Variants in RALGPS2 observed in about 807,000 individuals in gnomAD.
RALGPS2 encodes the protein ras-specific guanine nucleotide-releasing factor RalGPS2.
In RALGPS2, 43 loss-of-function variants were observed where a neutral mutation model predicts 86.8. That is an observed-to-expected ratio of 0.50 (90% CI 0.39 to 0.64). The LOEUF is 0.64. RALGPS2 is among the 30% of genes least tolerant of loss of function. The pLI is 0.00. For missense variants in RALGPS2, 536 were observed against 694.6 expected (o/e 0.77, Z 2.57); for synonymous variants, 243 against 231.3 (o/e 1.05, Z -0.46).
chr1:178,906,520 A>C (rs1335266241), intron 18 of RALGPS2, among the ~76,000 whole-genome samples: 2 of 152,220 alleles, frequency 1.3e-5, no homozygotes, highest in African/African-American at 4.8e-5. Flanking sequence ...TAAGGAGACA[A>C]AATTATTTCT....
chr1:178,790,200 C>T (rs113607651), intron 4 of RALGPS2, among the ~76,000 whole-genome samples: 2,686 of 152,218 alleles, frequency 0.018, 89 homozygotes, highest in Admixed American at 0.072. Flanking sequence ...GATCCTTCTG[C>T]CTTGGCCTGC....
rs1279519916 is a variant in RALGPS2 at position 178,725,281 on chromosome 1, C to CGGA, written c.-220_-219insAGG. On this transcript the variant is annotated 5_prime_UTR_variant, in exon 1 of 20. Transcript: ENST00000367635. Reference sequence around the variant, plus strand: ...CGAGCGGCAGCGGCGGCGGCGGCGGCGGCTGCTGCGGGCGCTGAATGAGAG... The same window carrying CGGA: ...CGAGCGGCAGCGGCGGCGGCGGCGGCGGAGGCTGCTGCGGGCGCTGAATGAGAG... 5.7e-6 allele frequency: 1 copy of CGGA among 175,838 alleles called. No individual in the cohort carries two copies. Among genetic ancestry groups the CGGA allele is most frequent in the African/African-American group, 2.4e-5 (1 of 41,484 alleles). 10.9% of individuals were successfully genotyped at this position (175,838 alleles called of 1,614,324 possible).
intron 4 of RALGPS2, among the ~76,000 whole-genome samples, chr1:178,786,705 G>A (rs770470989): frequency 6.6e-6 from 1 of 151,740 alleles, no homozygotes; most frequent in Non-Finnish European, 1.5e-5. Flanking sequence ...CCAAAACAAA[G>A]TCATTGATAA....
In RALGPS2 at chr1:178,776,691, AT is replaced by A; in HGVS notation, c.-71del. 3 of 1,102,996 alleles carry A rather than the reference AT, an allele frequency of 2.7e-6. No homozygotes were observed. The highest frequency in any genetic ancestry group is 3.9e-6 in the Non-Finnish European group (3 of 768,348). The allele number at this position is 1,102,996 out of a possible 1,614,324, so 68.3% of individuals were successfully genotyped here. ...TTTTTTTTTTTTACAGGAATAATGTATTTGTGGCCTTGGACATGAGGCAGTC... is the reference window on the plus strand; with the variant it reads ...TTTTTTTTTTTTACAGGAATAATGTATTGTGGCCTTGGACATGAGGCAGTC... On this transcript the variant is annotated 5_prime_UTR_variant, in exon 2 of 20. It removes the in-frame stop codon of an upstream open reading frame in the 5' UTR. Transcript: ENST00000367635.
At chr1:178,850,236 A>C (rs999477843) in intron 8 of RALGPS2, 1 of 152,622 alleles carries the variant, frequency 6.6e-6, no homozygotes, top group South Asian at 2.1e-4. Context: ...TTTGAATTGC[A>C]GATTGGTTGG....
At chr1:178,817,838 A>G (rs1655310348) in intron 6 of RALGPS2, among the ~76,000 whole-genome samples, 1 of 152,194 alleles carries the variant, frequency 6.6e-6, no homozygotes, top group Non-Finnish European at 1.5e-5. Context: ...TTTCTAATAG[A>G]CAGCCAATGT....
intron 1 of RALGPS2, among the ~76,000 whole-genome samples, chr1:178,736,481 G>A (rs1232713354): frequency 6.6e-6 from 1 of 151,920 alleles, no homozygotes; most frequent in South Asian, 2.1e-4. Flanking sequence ...CATTTTAAAC[G>A]TTTTCAATGA....
chr1:178,787,504 A>C (rs1461172174), intron 4 of RALGPS2, among the ~76,000 whole-genome samples: 1 of 152,196 alleles, frequency 6.6e-6, no homozygotes, highest in African/African-American at 2.4e-5. Flanking sequence ...CAACATATAC[A>C]ACAATTGCAG....
intron 1 of RALGPS2, among the ~76,000 whole-genome samples, chr1:178,748,229 ATG>A: frequency 6.6e-6 from 1 of 151,534 alleles, no homozygotes; most frequent in Non-Finnish European, 1.5e-5. Flanking sequence ...CTGAGGCAAG[ATG>A]ATCCCTTGAA....
chr1:178,751,450 T>A (rs1343134728), intron 1 of RALGPS2, among the ~76,000 whole-genome samples: 1 of 152,190 alleles, frequency 6.6e-6, no homozygotes, highest in East Asian at 1.9e-4. Context: ...GGAAGTTTTC[T>A]TGGAAAGCTT....
intron 5 of RALGPS2, among the ~76,000 whole-genome samples, chr1:178,810,070 G>C (rs1459243015): frequency 6.6e-6 from 1 of 150,510 alleles, no homozygotes; most frequent in Non-Finnish European, 1.5e-5. Flanking sequence ...AACATACTAA[G>C]ACCTTGTCTT....
intron 8 of RALGPS2, chr1:178,869,238 A>G (rs1218422677): frequency 6.6e-6 from 1 of 152,098 alleles, no homozygotes; most frequent in Non-Finnish European, 1.5e-5. Flanking sequence ...TAGAGAGAAG[A>G]AACGAAAGTC....
rs115833627 is a variant in RALGPS2, at chr1:178,874,533, T to G, written c.608-2965T>G. Among the ~76,000 whole-genome samples, 497 of 152,296 alleles carry G rather than the reference T, an allele frequency of 3.3e-3. 5 individuals are homozygous for G. The highest frequency in any genetic ancestry group is 0.011 in the African/African-American group (445 of 41,560). On this transcript the variant is annotated intron_variant, in intron 8 of 19. Transcript: ENST00000367635. Reference sequence around the variant, plus strand: ...AGTACCCCGCTCAAATCCCACTTCTTCCTTGAAGCTTTCTCTGATCCCATC... The same window carrying G: ...AGTACCCCGCTCAAATCCCACTTCTGCCTTGAAGCTTTCTCTGATCCCATC...
At chr1:178,755,545 T>C (rs1651911590) in intron 1 of RALGPS2, among the ~76,000 whole-genome samples, 1 of 152,210 alleles carries the variant, frequency 6.6e-6, no homozygotes, top group South Asian at 2.1e-4. Context: ...CTGCGTAATA[T>C]TCCATGGTGT....
chr1:178,817,204 G>A (rs1333027881), intron 6 of RALGPS2, among the ~76,000 whole-genome samples: 1 of 151,704 alleles, frequency 6.6e-6, no homozygotes, highest in Non-Finnish European at 1.5e-5. Flanking sequence ...AAATAACTAG[G>A]TGTGTTGGCG....
intron 1 of RALGPS2, among the ~76,000 whole-genome samples, chr1:178,728,422 A>G (rs895944594): frequency 1.4e-5 from 1 of 69,296 alleles, no homozygotes; most frequent in Non-Finnish European, 3.0e-5. Context: ...TTTTTTTGCT[A>G]TGTAAAATAG....
intron 10 of RALGPS2, among the ~76,000 whole-genome samples, chr1:178,882,119 G>T (rs1659283478): frequency 6.6e-6 from 1 of 152,178 alleles, no homozygotes; most frequent in Non-Finnish European, 1.5e-5. Context: ...CTGGCACTCA[G>T]ACTAGCCTTC....
chr1:178,802,050 G>A (rs938303437), intron 4 of RALGPS2, among the ~76,000 whole-genome samples: 2 of 152,044 alleles, frequency 1.3e-5, no homozygotes, highest in Admixed American at 1.3e-4. Context: ...CTTTACCCTT[G>A]AATGTCTCTG....
chr1:178,876,494 A>T (rs1659010222), intron 8 of RALGPS2, among the ~76,000 whole-genome samples: 1 of 152,208 alleles, frequency 6.6e-6, no homozygotes, highest in African/African-American at 2.4e-5. Context: ...AAACTAGAGA[A>T]TATTGACACC....
Sources: allele counts gnomAD v4.1 joint callset (sites outside exome capture counted in the v4.1 genomes callset), GRCh38; gene constraint gnomAD v4.1.1; transcripts MANE v1.5; gene names NCBI Gene and HGNC (gene_info 2026-07-23, HGNC 2026-07-21).